The following ANXA7 variants were observed in gnomAD, a reference collection of about 807,000 sequenced individuals.
ANXA7 encodes the protein annexin VII.
In ANXA7, 55 loss-of-function variants were observed where a neutral mutation model predicts 64.9. That is an observed-to-expected ratio of 0.85 (90% confidence interval 0.68 to 1.06). The LOEUF is 1.06. Ranked by LOEUF, ANXA7 falls within the 50% of genes least tolerant of loss-of-function variation. The pLI, the probability that ANXA7 is intolerant of heterozygous loss-of-function variation, is 0.00. For missense variants in ANXA7, 548 were observed against 582.1 expected (o/e 0.94, Z 0.60); for synonymous variants, 200 against 192.4 (o/e 1.04, Z -0.33).
At position 73,387,702 on chromosome 10, in the gene ANXA7, G is replaced by A; in HGVS notation, c.620C>T (p.Thr207Ile). The A allele has an allele frequency of 6.2e-7, 1 of 1,613,844 alleles. No individual in the cohort carries two copies. The highest frequency in any genetic ancestry group is 1.1e-5 in the South Asian group (1 of 91,078). Residue 207 changes from threonine (T) to isoleucine (I), a missense_variant, in exon 7 of 13, where the codon ACC becomes ATC. Coordinates refer to ENST00000372921, the MANE Select transcript of ANXA7 (RefSeq NM_001156.5). The stretch of plus-strand genomic sequence containing the variant: ...AGAAAAACATACCTTGCCATAGGAG[G>A]TCTTAAATGCTGCTTTAATTTTTTG... ...QRQKIKAAFKTSYGKDLIKDL... is the reference protein window; with the variant it reads ...QRQKIKAAFKISYGKDLIKDL...
chr10:73,413,867 C>G (rs1024927564), intron 1 of ANXA7, 145 bp downstream of exon 1: 1 of 153,364 alleles, frequency 6.5e-6, no homozygotes, highest in African/African-American at 2.4e-5. Context: ...ACGAGACGCG[C>G]AAACCGAGTC....
intron 5 of ANXA7, among the ~76,000 whole-genome samples, chr10:73,393,400 A>G (rs987050003): frequency 1.3e-5 from 2 of 152,226 alleles, no homozygotes; most frequent in African/African-American, 4.8e-5. Flanking sequence ...CACATTGCCA[A>G]GACAATCCTA....
intron 12 of ANXA7, among the ~76,000 whole-genome samples, chr10:73,378,583 G>T (rs1046973332): frequency 2.6e-5 from 4 of 151,890 alleles, no homozygotes; most frequent in Non-Finnish European, 5.9e-5. Flanking sequence ...ATCTACATAG[G>T]CCTTTCATCT....
Position 73,376,889 on chromosome 10 carries a change from C to G in ANXA7, c.1279-672G>C, listed in dbSNP as rs149151787. On this transcript the variant is annotated intron_variant, in intron 12 of 12. Coordinates refer to ENST00000372921, the MANE Select transcript of ANXA7 (RefSeq NM_001156.5). ...ATGAATAAACCTTGAGGACGCTATGCTAAGTAAAAGACAACACTCACAAAA... is the reference window on the plus strand; with the variant it reads ...ATGAATAAACCTTGAGGACGCTATGGTAAGTAAAAGACAACACTCACAAAA... 1.8e-4 allele frequency among the ~76,000 whole-genome samples: 28 copies of G among 152,244 alleles called. No homozygotes were observed. The East Asian group carries it at 5.0e-3, about 27-fold the overall frequency.
intron 6 of ANXA7, 147 bp from the exon 7 acceptor site, chr10:73,387,930 C>A: frequency 1.6e-6 from 1 of 640,336 alleles, no homozygotes; most frequent in Non-Finnish European, 2.7e-6. Context: ...AGGCTGACTG[C>A]AATCTCCACC....
Position 73,398,226 on chromosome 10 carries a change from A to T in ANXA7, c.214T>A (p.Tyr72Asn), listed in dbSNP as rs758619352. ...APGGYPAPGG[Y>N]PGAPQPGGAP... ...CCCCCTGGCTGTGGGGCACCAGGAT[A>T]GCCTCCAGGGGCTGGATAACCTCCA... is the stretch of plus-strand genomic sequence containing the variant. The change falls in exon 3 of 13, where the codon TAT becomes AAT. Residue 72 changes from tyrosine to asparagine, a missense_variant. Coordinates refer to ENST00000372921, the MANE Select transcript of ANXA7 (RefSeq NM_001156.5). 1 of 1,613,934 alleles carries T rather than the reference A, an allele frequency of 6.2e-7. No homozygotes were observed. The highest frequency in any genetic ancestry group is 1.7e-5 in the Admixed American group (1 of 60,022).
rs764977843 is a variant in ANXA7 at position 73,397,170 on chromosome 10, G to T, written c.364C>A (p.Leu122Ile). 2 of 1,591,312 alleles carry T rather than the reference G, an allele frequency of 1.3e-6. No individual in the cohort carries two copies. Among genetic ancestry groups the T allele is most frequent in the South Asian group, 2.3e-5 (2 of 86,222 alleles). Reference protein sequence around the residue: ...SYGGGPAQVPLPGGFPGGQMP... With the variant: ...SYGGGPAQVPIPGGFPGGQMP... Reference sequence around the variant, plus strand: ...CTGGACAGCTGGTACCTACCAGGTAGTGGAACCTGTGCTGGACCACCTCCA... The same window carrying T: ...CTGGACAGCTGGTACCTACCAGGTATTGGAACCTGTGCTGGACCACCTCCA... The change falls in exon 4 of 13, where the codon CTA becomes ATA. Residue 122 changes from leucine to isoleucine, a missense_variant. Coordinates refer to ENST00000372921, the MANE Select transcript of ANXA7 (RefSeq NM_001156.5).
At chr10:73,395,801 A>T in intron 5 of ANXA7, 2 of 538,352 alleles carry the variant, frequency 3.7e-6, no homozygotes, top group Non-Finnish European at 6.8e-6. Flanking sequence ...AAAAAAAAAA[A>T]GAAGCCATAC....
At chr10:73,383,437 T>TA in intron 8 of ANXA7, 92 bp from the exon 9 acceptor site, 2 of 1,331,180 alleles carry the variant, frequency 1.5e-6, no homozygotes, top group Non-Finnish European at 2.1e-6. Flanking sequence ...TCTGTAGAAC[T>TA]AAAAACTATA....
intron 1 of ANXA7, among the ~76,000 whole-genome samples, chr10:73,407,565 A>G (rs2055778335): frequency 6.6e-6 from 1 of 152,240 alleles, no homozygotes; most frequent in African/African-American, 2.4e-5. Flanking sequence ...CTAATTTTCT[A>G]AATTTGTAAA....
chr10:73,397,110 T>C lies in ANXA7; in HGVS notation c.370+54A>G, dbSNP rs530149922. On this transcript the variant is annotated intron_variant, in intron 4 of 12. Coordinates refer to ENST00000372921, the MANE Select transcript of ANXA7 (RefSeq NM_001156.5). ...ATAAACTAAGTTCCCTCAATGGTGA[T>C]TTAAAAACTCAAAATATCATGATAC... is the stretch of plus-strand genomic sequence containing the variant. 1.3e-4 allele frequency: 132 copies of C among 984,118 alleles called. 1 individual carries two copies. The East Asian group carries it at 3.6e-3, about 27-fold the overall frequency. 61.0% of individuals were successfully genotyped at this position (984,118 alleles called of 1,614,324 possible).
At position 73,391,186 on chromosome 10, in the gene ANXA7, A is replaced by AAG. The variant is rs1554817015; in HGVS notation, c.436-2774_436-2773dup. On this transcript the variant is annotated intron_variant, in intron 5 of 12. Transcript: ENST00000372921. Reference sequence around the variant, plus strand: ...TCTGTCTCTTAAAAAAAAAAAAAAAAAGAGAGAAATCAGGATCTGTGTTCT... The same window carrying AAG: ...TCTGTCTCTTAAAAAAAAAAAAAAAAAGAGAGAGAAATCAGGATCTGTGTTCT... Among the ~76,000 whole-genome samples the AAG allele has an allele frequency of 5.9e-3, 886 of 151,436 alleles. 9 individuals are homozygous for AAG. Among genetic ancestry groups the AAG allele is most frequent in the African/African-American group, 0.019 (793 of 41,258 alleles).
intron 5 of ANXA7, among the ~76,000 whole-genome samples, chr10:73,392,505 G>A (rs1193256173): frequency 9.9e-5 from 15 of 152,264 alleles, no homozygotes; most frequent in African/African-American, 3.4e-4. Context: ...TATCCATCAC[G>A]ATCAAGTTGG....
In ANXA7 at chr10:73,406,588, G is replaced by T. The variant is rs1263932408; in HGVS notation, c.-1-5731C>A. On this transcript the variant is annotated intron_variant, in intron 1 of 12. Transcript: ENST00000372921. ...TTATTATTATTATACATATATTTTT[G>T]AGATGGTTTCTTGCTCTATCGCCCA... 4.6e-5 allele frequency among the ~76,000 whole-genome samples: 7 copies of T among 152,120 alleles called. No individual in the cohort carries two copies. The South Asian group carries it at 6.2e-4, about 14-fold the overall frequency.
chr10:73,392,721 T>C (rs2055505802), intron 5 of ANXA7, among the ~76,000 whole-genome samples: 1 of 152,126 alleles, frequency 6.6e-6, no homozygotes, highest in African/African-American at 2.4e-5. Flanking sequence ...AAGAGCTATT[T>C]ATGACAAATC....
intron 5 of ANXA7, among the ~76,000 whole-genome samples, chr10:73,392,579 AAACAG>A (rs1174913540): frequency 6.6e-6 from 1 of 152,226 alleles, no homozygotes; most frequent in Non-Finnish European, 1.5e-5. Context: ...TCCAGCATAT[AAACAG>A]AACCAAAGAC....
chr10:73,408,828 A>G (rs140613949), intron 1 of ANXA7, among the ~76,000 whole-genome samples: 2,098 of 152,356 alleles, frequency 0.014, 17 homozygotes, highest in Middle Eastern at 0.054. Flanking sequence ...ATGTCCATCA[A>G]TAAGGGACAG....
intron 1 of ANXA7, among the ~76,000 whole-genome samples, chr10:73,410,687 C>T (rs2055824885): frequency 6.7e-6 from 1 of 149,694 alleles, no homozygotes; most frequent in Non-Finnish European, 1.5e-5. Flanking sequence ...GAGGCTGAGT[C>T]AGGAGAATTG....
rs530723339 is a variant in ANXA7, at chr10:73,406,005, G to A, written c.-1-5148C>T. Among the ~76,000 whole-genome samples, 6 of 151,696 alleles carry A rather than the reference G, an allele frequency of 4.0e-5. No homozygotes were observed. The South Asian group carries it at 1.3e-3, about 32-fold the overall frequency. Reference sequence around the variant, plus strand: ...AGTTTCGCTCTTGTCACCCCAGCTGGAGTGCAGTGGTGCAATCTCGGCTCA... The same window carrying A: ...AGTTTCGCTCTTGTCACCCCAGCTGAAGTGCAGTGGTGCAATCTCGGCTCA... On this transcript the variant is annotated intron_variant, in intron 1 of 12. Coordinates refer to ENST00000372921, the MANE Select transcript of ANXA7 (RefSeq NM_001156.5).
Sources: gnomAD v4.1 joint callset for allele counts (sites outside exome capture counted in the v4.1 genomes callset) on GRCh38, gnomAD v4.1.1 for gene constraint, MANE v1.5 for transcripts, NCBI Gene and HGNC (gene_info 2026-07-23, HGNC 2026-07-21) for gene names.